MCC: variants seen among roughly 807,000 people sequenced by gnomAD.
The protein encoded by MCC is colorectal mutant cancer protein.
MCC carries 90 observed loss-of-function variants against 116.2 expected under a neutral mutation model. The observed-to-expected ratio is 0.77, with a 90% CI of 0.65 to 0.92. The LOEUF (loss-of-function observed/expected upper bound fraction) is 0.92, where lower values mean the gene tolerates loss of function less well. MCC is among the 40% of genes least tolerant of loss of function. The pLI is 0.00. For synonymous variants in MCC, 578 were observed against 510.5 expected, an observed-to-expected ratio of 1.13 and a Z score of -1.78; for missense variants, 1,516 against 1,312.2, an observed-to-expected ratio of 1.16 and a Z score of -2.40.
intron 1 of MCC, among the ~76,000 whole-genome samples, chr5:113,452,276 T>C (rs1049709549): frequency 1.8e-4 from 28 of 152,262 alleles, no homozygotes; most frequent in Middle Eastern, 3.4e-3. Flanking sequence ...CATGCATATA[T>C]AGGAATGGGA....
chr5:113,477,390 C>T (rs1772260563), intron 1 of MCC, among the ~76,000 whole-genome samples: 1 of 152,174 alleles, frequency 6.6e-6, no homozygotes, highest in Non-Finnish European at 1.5e-5. Flanking sequence ...AATCATAGGT[C>T]ACAGAGGCTG....
At chr5:113,272,821 G>A (rs1765666194) in intron 3 of MCC, among the ~76,000 whole-genome samples, 1 of 152,186 alleles carries the variant, frequency 6.6e-6, no homozygotes, top group Non-Finnish European at 1.5e-5. Context: ...TATCGTATCT[G>A]GCAAGGTTCC....
At chr5:113,483,062 T>C (rs1772420979) in intron 1 of MCC, among the ~76,000 whole-genome samples, 1 of 152,196 alleles carries the variant, frequency 6.6e-6, no homozygotes, top group African/African-American at 2.4e-5. Context: ...GGTGCTTTCG[T>C]TGAAAATCAA....
At chr5:113,046,685 CAAAAAAAAAAA>C (rs151183145) in intron 16 of MCC, among the ~76,000 whole-genome samples, 1,330 of 58,394 alleles carry the variant, frequency 0.023, 89 homozygotes, top group Non-Finnish European at 0.035. Flanking sequence ...ACTCAAAAGG[CAAAAAAAAAAA>C]AAAAAAAAAA....
chr5:113,282,524 A>G (rs1581363069), intron 3 of MCC, among the ~76,000 whole-genome samples: 1 of 152,318 alleles, frequency 6.6e-6, no homozygotes, highest in East Asian at 1.9e-4. Context: ...GATTATGCCA[A>G]AAGAGAGACA....
intron 3 of MCC, among the ~76,000 whole-genome samples, chr5:113,208,132 A>G (rs533852419): frequency 1.3e-4 from 20 of 152,300 alleles, no homozygotes; most frequent in African/African-American, 4.6e-4. Context: ...ATCTGGATAA[A>G]GCAGAGATAT....
chr5:113,159,993 G>T (rs1205472880), intron 3 of MCC, among the ~76,000 whole-genome samples: 1 of 152,176 alleles, frequency 6.6e-6, no homozygotes, highest in African/African-American at 2.4e-5. Flanking sequence ...ATTTCATTGA[G>T]AGGTCAGTGG....
At chr5:113,263,401 G>C (rs980508577) in intron 3 of MCC, among the ~76,000 whole-genome samples, 1 of 152,200 alleles carries the variant, frequency 6.6e-6, no homozygotes, top group Non-Finnish European at 1.5e-5. Context: ...AAGGATCATA[G>C]CTATGTTACT....
chr5:113,434,133 G>A lies in MCC; in HGVS notation c.171-48921C>T, dbSNP rs1275705891. On this transcript the variant is annotated intron_variant, in intron 1 of 18. Transcript: ENST00000408903. This position sits in a 1 kb window ranked among gnomAD's most constrained non-coding sequence, Gnocchi z 4.2. ...CTCGCCTGTCAGGTGCTTGGAGCGT[G>A]GGAAGTTGACGCGGTGCTCCTTCTG... The A allele has an allele frequency of 6.2e-7, 1 of 1,614,068 alleles. No individual in the cohort carries two copies. Among genetic ancestry groups the A allele is most frequent in the African/African-American group, 1.3e-5 (1 of 74,936 alleles).
At chr5:113,066,347 A>C (rs898550138) in intron 13 of MCC, among the ~76,000 whole-genome samples, 1 of 152,180 alleles carries the variant, frequency 6.6e-6, no homozygotes, top group African/African-American at 2.4e-5. Context: ...AAAAATCCTG[A>C]CAGCAGGCCA....
At chr5:113,125,740 T>G (rs1245957458) in intron 5 of MCC, among the ~76,000 whole-genome samples, 1 of 152,200 alleles carries the variant, frequency 6.6e-6, no homozygotes, top group Admixed American at 6.5e-5. Context: ...GATTTTGAGT[T>G]GTGCTTCTGC....
At chr5:113,436,883 A>G (rs1770880489) in intron 1 of MCC, 1 of 152,196 alleles carries the variant, frequency 6.6e-6, no homozygotes, top group Admixed American at 6.5e-5. Context: ...CACATGACCC[A>G]GAAGCCCGCC....
intron 1 of MCC, among the ~76,000 whole-genome samples, chr5:113,391,201 A>T (rs1769393309): frequency 1.3e-5 from 2 of 152,212 alleles, no homozygotes; most frequent in African/African-American, 4.8e-5. Context: ...AACAAATTTC[A>T]GAGAGACACA....
intron 1 of MCC, among the ~76,000 whole-genome samples, chr5:113,444,140 C>T (rs570356991): frequency 2.9e-4 from 44 of 152,112 alleles, no homozygotes; most frequent in Middle Eastern, 3.4e-3. Flanking sequence ...TCACCGTGCC[C>T]GGCCTGTACA....
intron 3 of MCC, among the ~76,000 whole-genome samples, chr5:113,196,326 C>T (rs1174757351): frequency 6.6e-6 from 1 of 152,144 alleles, no homozygotes; most frequent in Non-Finnish European, 1.5e-5. Flanking sequence ...AGCAGGTGAG[C>T]CCTGATGGAA....
chr5:113,429,674 T>C (rs1003587877), intron 1 of MCC, among the ~76,000 whole-genome samples: 2 of 152,166 alleles, frequency 1.3e-5, no homozygotes, highest in African/African-American at 2.4e-5. Context: ...TTTCAGGCCC[T>C]GGCTAGATCA....
intron 5 of MCC, among the ~76,000 whole-genome samples, chr5:113,127,032 C>T (rs113397928): frequency 2.0e-4 from 31 of 152,258 alleles, no homozygotes; most frequent in Middle Eastern, 3.4e-3. Flanking sequence ...ACCATCCACC[C>T]GCAAGTAGGC....
intron 3 of MCC, 116 bp downstream of exon 3, chr5:113,340,403 T>C: frequency 1.1e-6 from 1 of 895,316 alleles, no homozygotes; most frequent in South Asian, 1.6e-5. Flanking sequence ...TGGTACAATA[T>C]TTACCGCAAT....
rs78889338 is a variant in MCC, at chr5:113,084,918, C to G, written c.1545+246G>C. Among the ~76,000 whole-genome samples, 1,265 of 152,326 alleles carry G rather than the reference C, an allele frequency of 8.3e-3. 20 individuals are homozygous for G. The highest frequency in any genetic ancestry group is 0.029 in the African/African-American group (1,213 of 41,556). Reference sequence around the variant, plus strand: ...CTCACTCTCCATAATGACTTGTCAGCTGTGACATTCTCCAGCTGGCTGATT... The same window carrying G: ...CTCACTCTCCATAATGACTTGTCAGGTGTGACATTCTCCAGCTGGCTGATT... On this transcript the variant is annotated intron_variant, in intron 9 of 18. Coordinates refer to ENST00000408903, the MANE Select transcript of MCC (RefSeq NM_001085377.2).
Sources: gnomAD v4.1 joint callset for allele counts (sites outside exome capture counted in the v4.1 genomes callset) on GRCh38, gnomAD v4.1.1 for gene constraint, Gnocchi (gnomAD v3.1) non-coding constraint, MANE v1.5 for transcripts, NCBI Gene and HGNC (gene_info 2026-07-23, HGNC 2026-07-21) for gene names.